The following FAM13C variants were observed in gnomAD, a reference collection of about 807,000 sequenced individuals.
FAM13C encodes protein FAM13C.
In FAM13C, 37 loss-of-function variants were observed where a neutral mutation model predicts 73.2. That is an observed-to-expected ratio of 0.51 (90% CI 0.39 to 0.67). FAM13C has a LOEUF of 0.67. FAM13C is among the 30% of genes least tolerant of loss of function. The pLI is 0.00. For missense variants in FAM13C, 589 were observed against 715.6 expected (o/e 0.82, Z 2.02); for synonymous variants, 246 against 260.9 (o/e 0.94, Z 0.55).
At chr10:59,312,620 A>AG (rs1226193862) in intron 4 of FAM13C, among the ~76,000 whole-genome samples, 1 of 152,196 alleles carries the variant, frequency 6.6e-6, no homozygotes, top group African/African-American at 2.4e-5. Flanking sequence ...CCAGGCTACC[A>AG]GGCCCCATGC....
intron 4 of FAM13C, among the ~76,000 whole-genome samples, chr10:59,319,072 AACACACACACACACACACAC>A (rs59965630): frequency 4.5e-5 from 6 of 134,574 alleles, no homozygotes; most frequent in South Asian, 2.5e-4. Flanking sequence ...TAGCTATTCA[AACACACACACACACACACAC>A]ACACACACAC....
Position 59,269,907 on chromosome 10 carries a change from C to T in FAM13C, c.795G>A (p.Gln265=), listed in dbSNP as rs777854836. The change falls in exon 7 of 14, where the codon CAG becomes CAA. Residue 265 remains glutamine (Q), a synonymous_variant. Transcript: ENST00000618804. ...ESAPSPPSTQ[Q]FMMPRSSSRC... ...CAAAACAGTTTTCTCACATCATAAA[C>T]TGCTGAGTGCTGGGTGGAGATGGGG... 2 of 1,613,808 alleles carry T rather than the reference C, an allele frequency of 1.2e-6. No individual in the cohort carries two copies. The highest frequency in any genetic ancestry group is 2.7e-5 in the African/African-American group (2 of 75,052).
In FAM13C at chr10:59,316,235, G is replaced by T. The variant is rs566002980; in HGVS notation, c.443+7753C>A. The stretch of plus-strand genomic sequence containing the variant: ...CAGGCATGAACTGTAATCTCAGTGT[G>T]CCTGGCTAAAAATTTATATCTTAAG... On this transcript the variant is annotated intron_variant, in intron 4 of 13. Coordinates refer to ENST00000618804, the MANE Select transcript of FAM13C (RefSeq NM_198215.4). Among the ~76,000 whole-genome samples the T allele has an allele frequency of 1.4e-4, 22 of 152,206 alleles. No individual in the cohort carries two copies. In the South Asian group the frequency reaches 4.4e-3, roughly 30 times the overall value.
rs370879963 is a variant in FAM13C at position 59,264,703 on chromosome 10, C to T, written c.943-537G>A. Among the ~76,000 whole-genome samples the T allele has an allele frequency of 2.9e-4, 44 of 152,230 alleles. 1 individual carries two copies. In the East Asian group the frequency reaches 7.3e-3, roughly 25 times the overall value. On this transcript the variant is annotated intron_variant, in intron 8 of 13. Coordinates refer to ENST00000618804, the MANE Select transcript of FAM13C (RefSeq NM_198215.4). ...CCTCTAAGCTAAAGAAAGGAGACTC[C>T]GGAATCTCTAAAACCTGACAATATT...
At position 59,278,485 on chromosome 10, in the gene FAM13C, G is replaced by A. The variant is rs149716761; in HGVS notation, c.592+4878C>T. On this transcript the variant is annotated intron_variant, in intron 6 of 13. Transcript: ENST00000618804. ...AAGGTTTCTGAACCTCAGCACTATT[G>A]ACCATTCAGCACTATTGAACCAGAT... Among the ~76,000 whole-genome samples, 176 of 152,194 alleles carry A rather than the reference G, an allele frequency of 1.2e-3. 1 individual carries two copies. The highest frequency in any genetic ancestry group is 3.9e-3 in the African/African-American group (163 of 41,522).
intron 5 of FAM13C, among the ~76,000 whole-genome samples, chr10:59,286,121 A>G (rs1010805587): frequency 6.6e-6 from 1 of 152,214 alleles, no homozygotes; most frequent in African/African-American, 2.4e-5. Flanking sequence ...ACATGCCACA[A>G]CATGTATAAA....
chr10:59,321,817 C>T (rs1331573629), intron 4 of FAM13C, among the ~76,000 whole-genome samples: 1 of 152,110 alleles, frequency 6.6e-6, no homozygotes, highest in African/African-American at 2.4e-5. Context: ...CTTCGAGTCT[C>T]ACCAAAATGA....
At chr10:59,265,522 G>A (rs1010334876) in intron 8 of FAM13C, among the ~76,000 whole-genome samples, 1 of 152,046 alleles carries the variant, frequency 6.6e-6, no homozygotes, top group Non-Finnish European at 1.5e-5. Flanking sequence ...AAAATCCTTA[G>A]AGAATTCTCC....
chr10:59,262,236 T>C (rs1842577059), intron 10 of FAM13C, among the ~76,000 whole-genome samples, 198 bp downstream of exon 10: 1 of 151,358 alleles, frequency 6.6e-6, no homozygotes, highest in African/African-American at 2.4e-5. Context: ...CACTATAACC[T>C]CCAGAATGGT....
At chr10:59,303,916 G>A (rs1436537353) in intron 4 of FAM13C, among the ~76,000 whole-genome samples, 2 of 152,200 alleles carry the variant, frequency 1.3e-5, no homozygotes, top group Non-Finnish European at 2.9e-5. Context: ...TTGGGAGGCT[G>A]AGGCATGCAG....
At chr10:59,272,740 C>G (rs886921819) in intron 6 of FAM13C, among the ~76,000 whole-genome samples, 1 of 152,238 alleles carries the variant, frequency 6.6e-6, no homozygotes, top group South Asian at 2.1e-4. Context: ...CTGTCTTCCT[C>G]ACAGGACTGT....
intron 3 of FAM13C, 137 bp downstream of exon 3, chr10:59,352,133 G>T: frequency 1.1e-6 from 1 of 923,732 alleles, no homozygotes; most frequent in African/African-American, 1.6e-5. Context: ...ACGTGTCTCA[G>T]GTCGGCAGAG....
At chr10:59,308,402 C>A (rs893403828) in intron 4 of FAM13C, among the ~76,000 whole-genome samples, 1 of 151,718 alleles carries the variant, frequency 6.6e-6, no homozygotes, top group African/African-American at 2.4e-5. Context: ...ATCACCACAA[C>A]CACCACAACC....
Position 59,324,072 on chromosome 10 carries a change from C to T in FAM13C, c.359G>A (p.Cys120Tyr), listed in dbSNP as rs1300410824. The change falls in exon 4 of 14, where the codon TGT becomes TAT. Residue 120 changes from cysteine to tyrosine, a missense_variant. By Grantham distance (194) the Cys-to-Tyr change is radical. Transcript: ENST00000618804. The stretch of plus-strand genomic sequence containing the variant: ...AGCTGGTGTTCCTGCTCTCACCTGA[C>T]ACTCTGACTGGCTGGATACCACATG... Reference protein sequence around the residue: ...TEHVVSSQSECQVRAGTPAHE... With the variant: ...TEHVVSSQSEYQVRAGTPAHE... 3.1e-6 allele frequency: 5 copies of T among 1,614,050 alleles called. No individual in the cohort carries two copies. The highest frequency in any genetic ancestry group is 4.2e-6 in the Non-Finnish European group (5 of 1,179,944).
chr10:59,266,423 T>C (rs1843072912), intron 8 of FAM13C, among the ~76,000 whole-genome samples: 1 of 151,912 alleles, frequency 6.6e-6, no homozygotes, highest in South Asian at 2.1e-4. Context: ...TAGCAATGGG[T>C]GGTATGAATT....
intron 8 of FAM13C, among the ~76,000 whole-genome samples, chr10:59,264,375 C>G (rs1255124181): frequency 6.6e-6 from 1 of 152,164 alleles, no homozygotes; most frequent in African/African-American, 2.4e-5. Context: ...AGTAAATATT[C>G]TTGACCTCCT....
chr10:59,289,164 G>C (rs1247042950), intron 5 of FAM13C, among the ~76,000 whole-genome samples: 2 of 152,188 alleles, frequency 1.3e-5, no homozygotes, highest in East Asian at 3.8e-4. Flanking sequence ...TTCCTCGCAT[G>C]CGCAGTTCAC....
intron 1 of FAM13C, among the ~76,000 whole-genome samples, chr10:59,361,882 T>C (rs1856462604): frequency 6.6e-6 from 1 of 152,184 alleles, no homozygotes; most frequent in African/African-American, 2.4e-5. Flanking sequence ...CACATCTCTG[T>C]AGTCAGAAGA....
intron 1 of FAM13C, 102 bp downstream of exon 1, chr10:59,362,297 A>G: frequency 6.7e-7 from 1 of 1,481,864 alleles, no homozygotes. Flanking sequence ...GAGACAATGC[A>G]TCTAAAACGA....
Sources: gnomAD v4.1 joint callset for allele counts (sites outside exome capture counted in the v4.1 genomes callset) on GRCh38, gnomAD v4.1.1 for gene constraint, MANE v1.5 for transcripts, NCBI Gene and HGNC (gene_info 2026-07-23, HGNC 2026-07-21) for gene names.